ZNF479: variants seen among roughly 807,000 people sequenced by gnomAD.
ZNF479 encodes zinc finger protein 479.
In ZNF479, 15 loss-of-function variants were observed where a neutral mutation model predicts 14.7. The ratio of observed to expected loss-of-function variants is 1.02; its 90% CI spans 0.68 to 1.57. ZNF479 has a LOEUF of 1.57. Among genes scored for constraint, ZNF479 ranks in the 40% most tolerant of loss-of-function variants. ZNF479 has a pLI of 0.00. For synonymous variants in ZNF479, 145 were observed against 211.5 expected, an observed-to-expected ratio of 0.69 and a Z score of 2.73; for missense variants, 506 against 615.1, an observed-to-expected ratio of 0.82 and a Z score of 1.88.
At chr7:57,125,574 T>C (rs1786124847) in intron 3 of ZNF479, among the ~76,000 whole-genome samples, 1 of 151,584 alleles carries the variant, frequency 6.6e-6, no homozygotes, top group Non-Finnish European at 1.5e-5. Flanking sequence ...TTCAAGGCTA[T>C]AGTAATAAAA....
chr7:57,134,836 G>A (rs762035146), upstream of ZNF479, among the ~76,000 whole-genome samples: 23 of 151,796 alleles, frequency 1.5e-4, no homozygotes, highest in African/African-American at 2.2e-4. Flanking sequence ...CACCATGCCC[G>A]GCTAATTTTT....
chr7:57,132,131 G>A (rs1044557454), intron 1 of ZNF479, among the ~76,000 whole-genome samples, 155 bp downstream of exon 1: 9 of 152,152 alleles, frequency 5.9e-5, no homozygotes, highest in African/African-American at 1.7e-4. Context: ...ACCATCTTGC[G>A]GCTGGAGGGG....
intron 1 of ZNF479, among the ~76,000 whole-genome samples, chr7:57,130,477 A>G (rs2115889113): frequency 6.6e-6 from 1 of 152,346 alleles, no homozygotes; most frequent in East Asian, 1.9e-4. Context: ...TGTCTTAAAA[A>G]AAAAAAAATT....
In ZNF479 at chr7:57,120,704, T is replaced by A. The variant is rs1554400284; in HGVS notation, c.711A>T (p.Gly237=). 6.2e-7 allele frequency: 1 copy of A among 1,612,874 alleles called. No homozygotes were observed. Among genetic ancestry groups the A allele is most frequent in the Admixed American group, 1.7e-5 (1 of 59,720 alleles). ...ATTCCTCACATCTATATGGTTTCTCTCCAGTATGAATTATTTTATGTGTAG... is the reference window on the plus strand; with the variant it reads ...ATTCCTCACATCTATATGGTTTCTCACCAGTATGAATTATTTTATGTGTAG... ...NHTTHKIIHT[G]EKPYRCEECG... is the part of the protein sequence containing the mutation. The change falls in exon 4 of 4, where the codon GGA becomes GGT. Residue 237 remains glycine (G), a synonymous_variant. Transcript: ENST00000319636.
chr7:57,122,854 T>C (rs1273951536), intron 3 of ZNF479, among the ~76,000 whole-genome samples: 1 of 152,100 alleles, frequency 6.6e-6, no homozygotes, highest in African/African-American at 2.4e-5. Flanking sequence ...TCTATATGTA[T>C]ATGCATATAT....
chr7:57,118,975 G>A lies in ZNF479; in HGVS notation c.*865C>T, dbSNP rs1406790533. On this transcript the variant is annotated 3_prime_UTR_variant, in exon 4 of 4. Transcript: ENST00000319636. ...AGAAAAGTTTGAGGTGTGCTTAAAT[G>A]CTCTGTCACATTTTTATGTAAGCAG... Among the ~76,000 whole-genome samples the A allele has an allele frequency of 6.6e-6, 1 of 152,084 alleles. No individual in the cohort carries two copies. The highest frequency in any genetic ancestry group is 1.5e-5 in the Non-Finnish European group (1 of 68,024).
intron 1 of ZNF479, among the ~76,000 whole-genome samples, chr7:57,138,300 A>G (rs898847967): frequency 1.3e-5 from 2 of 152,210 alleles, no homozygotes; most frequent in Admixed American, 6.5e-5. Context: ...ATCACACAAT[A>G]TATCACACTC....
intron 3 of ZNF479, among the ~76,000 whole-genome samples, chr7:57,122,520 CT>C (rs1785997397): frequency 6.6e-6 from 1 of 151,836 alleles, no homozygotes; most frequent in Admixed American, 6.6e-5. Flanking sequence ...GCAGAAAATA[CT>C]TTTAGTTATT....
intron 3 of ZNF479, among the ~76,000 whole-genome samples, chr7:57,125,072 CAA>C (rs951813725): frequency 1.4e-5 from 2 of 146,510 alleles, no homozygotes; most frequent in African/African-American, 5.0e-5. Context: ...AACTCCGTCT[CAA>C]AAAAAAAGAA....
chr7:57,120,736 T>C lies in ZNF479; in HGVS notation c.679A>G (p.Asn227Asp). 3 of 1,612,688 alleles carry C rather than the reference T, an allele frequency of 1.9e-6. No individual in the cohort carries two copies. The highest frequency in any genetic ancestry group is 2.5e-6 in the Non-Finnish European group (3 of 1,179,366). ...ECGKSFNCSSNHTTHKIIHTG... is the reference protein window; with the variant it reads ...ECGKSFNCSSDHTTHKIIHTG... ...TGAATTATTTTATGTGTAGTATGGT[T>C]TGAGGAGCAGTTAAAGGATTTGCCA... Residue 227 changes from asparagine (N) to aspartate (D), a missense_variant, in exon 4 of 4, where the codon AAC (asparagine) becomes GAC (aspartate). Asn to Asp is a conservative substitution (Grantham distance 23, BLOSUM62 1). Coordinates refer to ENST00000319636, the MANE Select transcript of ZNF479 (RefSeq NM_001370129.2).
chr7:57,127,933 A>AT (rs1392931186), intron 1 of ZNF479, among the ~76,000 whole-genome samples: 2 of 75,160 alleles, frequency 2.7e-5, no homozygotes, highest in African/African-American at 1.2e-4. Flanking sequence ...TTATATATAT[A>AT]TATATTTTTT....
chr7:57,124,658 G>A (rs1331644961), intron 3 of ZNF479, among the ~76,000 whole-genome samples: 1 of 152,204 alleles, frequency 6.6e-6, no homozygotes, highest in Non-Finnish European at 1.5e-5. Context: ...ATTTAATACA[G>A]TGACAGTGTC....
intron 3 of ZNF479, among the ~76,000 whole-genome samples, chr7:57,125,476 G>C (rs1786119226): frequency 1.3e-5 from 2 of 151,102 alleles, no homozygotes; most frequent in Non-Finnish European, 3.0e-5. Context: ...CCCACAGCAA[G>C]TGGGGGGATA....
upstream of ZNF479, among the ~76,000 whole-genome samples, chr7:57,134,024 G>A (rs1015857108): frequency 2.0e-5 from 3 of 152,154 alleles, no homozygotes; most frequent in Non-Finnish European, 2.9e-5. Flanking sequence ...ATGTAATCTT[G>A]TATTTTACCT....
Position 57,118,495 on chromosome 7 carries a change from C to T in ZNF479, c.*1345G>A, listed in dbSNP as rs548910528. ...CAAGCAATTCTCCTACCTCTGCCTGCCAAGTAGCTGGGATTACAAGTGCAC... is the reference window on the plus strand; with the variant it reads ...CAAGCAATTCTCCTACCTCTGCCTGTCAAGTAGCTGGGATTACAAGTGCAC... On this transcript the variant is annotated 3_prime_UTR_variant, in exon 4 of 4. Transcript: ENST00000319636. 1.8e-4 allele frequency among the ~76,000 whole-genome samples: 28 copies of T among 152,208 alleles called. No individual in the cohort carries two copies. In the South Asian group the frequency reaches 5.8e-3, roughly 32 times the overall value.
upstream of ZNF479, among the ~76,000 whole-genome samples, chr7:57,136,879 T>G (rs970160309): frequency 1.3e-5 from 2 of 152,206 alleles, no homozygotes; most frequent in Non-Finnish European, 2.9e-5. Context: ...GCCACCTTTT[T>G]GAAAATACCT....
intron 3 of ZNF479, among the ~76,000 whole-genome samples, chr7:57,124,255 C>T (rs1364968836): frequency 3.9e-5 from 6 of 152,092 alleles, no homozygotes; most frequent in Non-Finnish European, 4.4e-5. Context: ...CTATGTGGTA[C>T]TCACAAAAAG....
chr7:57,128,102 T>C (rs1170271491), intron 1 of ZNF479, among the ~76,000 whole-genome samples: 2 of 151,860 alleles, frequency 1.3e-5, no homozygotes, highest in African/African-American at 4.8e-5. Flanking sequence ...GCCTGGCTAA[T>C]TTTTGTATTT....
At position 57,132,289 on chromosome 7, in the gene ZNF479, T is replaced by C; in HGVS notation, c.36A>G (p.Glu12=). The change falls in exon 1 of 4, where the codon GAA becomes GAG. Residue 12 remains glutamate (E), a synonymous_variant. Coordinates refer to ENST00000319636, the MANE Select transcript of ZNF479 (RefSeq NM_001370129.2). ...AKRPGPPGSR[E]MGLLTFRDIA... ...CGATGACAGACCCAGCACTCACCATTTCTCGGCTTCCAGGGGGTCCTGGTC... is the reference window on the plus strand; with the variant it reads ...CGATGACAGACCCAGCACTCACCATCTCTCGGCTTCCAGGGGGTCCTGGTC... 3 of 1,614,102 alleles carry C rather than the reference T, an allele frequency of 1.9e-6. No individual in the cohort carries two copies. Among genetic ancestry groups the C allele is most frequent in the Non-Finnish European group, 2.5e-6 (3 of 1,180,020 alleles).
Sources: allele counts gnomAD v4.1 joint callset (sites outside exome capture counted in the v4.1 genomes callset), GRCh38; gene constraint gnomAD v4.1.1; transcripts MANE v1.5; gene names NCBI Gene and HGNC (gene_info 2026-07-23, HGNC 2026-07-21).